The following SPATA45 variants were observed in gnomAD, a reference collection of about 807,000 sequenced individuals.
The protein encoded by SPATA45 is spermatogenesis associated 45, also known as spermatogenesis-associated protein 45.
A neutral mutation model predicts 7.0 loss-of-function variants in SPATA45; 5 were observed. The ratio of observed to expected loss-of-function variants is 0.71; its 90% CI spans 0.37 to 1.50. SPATA45 has a LOEUF of 1.50. Among genes scored for constraint, SPATA45 ranks in the 40% most tolerant of loss-of-function variants. The pLI, the probability that SPATA45 is intolerant of heterozygous loss-of-function variation, is 0.03. For synonymous variants in SPATA45, 40 were observed against 38.7 expected (o/e 1.03, Z -0.13); for missense variants, 111 against 114.9 (o/e 0.97, Z 0.16).
intron 2 of SPATA45, among the ~76,000 whole-genome samples, chr1:212,835,234 C>G (rs1432461793): frequency 1.3e-5 from 2 of 151,512 alleles, no homozygotes; most frequent in African/African-American, 4.8e-5. Flanking sequence ...GTTAAGAATC[C>G]TATCATAGGC....
At chr1:212,836,523 G>A (rs1204344229) in intron 1 of SPATA45, among the ~76,000 whole-genome samples, 2 of 151,658 alleles carry the variant, frequency 1.3e-5, no homozygotes, top group South Asian at 2.1e-4. Context: ...TAGAGATGGG[G>A]TTTCGCCATG....
chr1:212,837,542 A>G (rs1475050311), intron 1 of SPATA45, among the ~76,000 whole-genome samples: 1 of 151,776 alleles, frequency 6.6e-6, no homozygotes, highest in East Asian at 1.9e-4. Context: ...CTGAGGCATG[A>G]GAGTCGCTTG....
intron 1 of SPATA45, among the ~76,000 whole-genome samples, chr1:212,841,195 G>C (rs112990264): frequency 0.023 from 3,480 of 151,012 alleles, 64 homozygotes; most frequent in South Asian, 0.042. Flanking sequence ...GTCTCATTCT[G>C]TCACCCAGGC....
chr1:212,839,276 C>T lies in SPATA45; in HGVS notation c.-38-3089G>A, dbSNP rs185010105. On this transcript the variant is annotated intron_variant, in intron 1 of 2. Coordinates refer to ENST00000332912, the MANE Select transcript of SPATA45 (RefSeq NM_001024601.3). ...CTGAGTAAAAAGAAAAAAAAAAAGC[C>T]AGACAAATCAGAATGTATAGTGTAC... Among the ~76,000 whole-genome samples, 577 of 148,838 alleles carry T rather than the reference C, an allele frequency of 3.9e-3. 10 individuals carry two copies. Among genetic ancestry groups the T allele is most frequent in the African/African-American group, 0.013 (550 of 40,846 alleles).
chr1:212,833,503 C>CAAA lies in SPATA45; in HGVS notation c.277+2367_277+2369dup, dbSNP rs35760900. ...ACGAAACCCCATCTCTACTAAAATA[C>CAAA]AAAAAAAAAAAAAAAAAAAAATTAG... On this transcript the variant is annotated intron_variant, in intron 2 of 2. Transcript: ENST00000332912. Among the ~76,000 whole-genome samples, 557 of 108,702 alleles carry CAAA rather than the reference C, an allele frequency of 5.1e-3. 5 individuals are homozygous for CAAA. The highest frequency in any genetic ancestry group is 0.017 in the African/African-American group (464 of 27,764). 71.3% of individuals were successfully genotyped at this position (108,702 alleles called of 152,430 possible).
intron 1 of SPATA45, among the ~76,000 whole-genome samples, chr1:212,841,395 C>T (rs1359682040): frequency 6.6e-6 from 1 of 150,854 alleles, no homozygotes; most frequent in Non-Finnish European, 1.5e-5. Flanking sequence ...AACTCCTAAG[C>T]TCAAGCGATC....
rs562755212 is a variant in SPATA45 at position 212,841,825 on chromosome 1, T to C, written c.-38-5638A>G. Among the ~76,000 whole-genome samples the C allele has an allele frequency of 2.0e-5, 3 of 152,204 alleles. No individual in the cohort carries two copies. The East Asian group carries it at 5.8e-4, about 30-fold the overall frequency. ...CAGGCTGGAGTGCAGTGGCGTGATC[T>C]TGGCTCACTACAGCCTCTGCCTCCT... is the stretch of plus-strand genomic sequence containing the variant. On this transcript the variant is annotated intron_variant, in intron 1 of 2. Transcript: ENST00000332912.
chr1:212,836,987 G>C (rs1051796122), intron 1 of SPATA45, among the ~76,000 whole-genome samples: 3 of 151,218 alleles, frequency 2.0e-5, no homozygotes, highest in South Asian at 2.1e-4. Context: ...GTTTCTTAAG[G>C]GTTTTATTTT....
At position 212,832,439 on chromosome 1, in the gene SPATA45, G is replaced by A. The variant is rs574870288; in HGVS notation, c.278-2178C>T. 9.2e-5 allele frequency among the ~76,000 whole-genome samples: 13 copies of A among 141,116 alleles called. No homozygotes were observed. In the East Asian group the frequency reaches 2.3e-3, roughly 25 times the overall value. 92.6% of individuals were successfully genotyped at this position (141,116 alleles called of 152,430 possible). On this transcript the variant is annotated intron_variant, in intron 2 of 2. Coordinates refer to ENST00000332912, the MANE Select transcript of SPATA45 (RefSeq NM_001024601.3). ...GCCCAGGCTACTCTCAAACTCCTGG[G>A]CTCAAGGGATCCTCCTGCCTCAGCC...
At chr1:212,844,974 C>A (rs1228034574) in intron 1 of SPATA45, among the ~76,000 whole-genome samples, 6 of 152,172 alleles carry the variant, frequency 3.9e-5, no homozygotes, top group South Asian at 2.1e-4. Context: ...CCCTCATGGC[C>A]AGTTTTTCTC....
Position 212,836,090 on chromosome 1 carries a change from ATGT to A in SPATA45, c.57_59del (p.Gln19del), listed in dbSNP as rs1663580115. 1 of 1,607,028 alleles carries A rather than the reference ATGT, an allele frequency of 6.2e-7. No homozygotes were observed. Among genetic ancestry groups the A allele is most frequent in the African/African-American group, 1.3e-5 (1 of 74,738 alleles). On this transcript the variant is annotated inframe_deletion, in exon 2 of 3. Transcript: ENST00000332912. ...GCTTTTTGTTTATCTCCTCCAGGAG[ATGT>A]TGTTTGCTTACTCCATGTTTTTTCA...
chr1:212,830,485 G>A lies in SPATA45; in HGVS notation c.278-224C>T, dbSNP rs930414870. Among the ~76,000 whole-genome samples the A allele has an allele frequency of 5.5e-5, 8 of 144,352 alleles. 1 individual carries two copies. The highest frequency in any genetic ancestry group is 2.2e-4 in the South Asian group (1 of 4,462). 94.7% of individuals were successfully genotyped at this position (144,352 alleles called of 152,430 possible). On this transcript the variant is annotated intron_variant, in intron 2 of 2. Coordinates refer to ENST00000332912, the MANE Select transcript of SPATA45 (RefSeq NM_001024601.3). The stretch of plus-strand genomic sequence containing the variant: ...AGGAGATCGAGACCATCCTGGCCAA[G>A]ATGGTGAAACCCCATCTCTACTAAA...
At chr1:212,836,776 G>A (rs1279115366) in intron 1 of SPATA45, among the ~76,000 whole-genome samples, 2 of 151,122 alleles carry the variant, frequency 1.3e-5, no homozygotes, top group Non-Finnish European at 3.0e-5. Flanking sequence ...AGCTTCCTGA[G>A]TAGCTGGGAT....
At chr1:212,840,688 G>A (rs1399472702) in intron 1 of SPATA45, among the ~76,000 whole-genome samples, 2 of 152,114 alleles carry the variant, frequency 1.3e-5, no homozygotes, top group African/African-American at 2.4e-5. Context: ...CGCGATCTTG[G>A]CTCACTGCAA....
At chr1:212,840,567 C>T (rs936773025) in intron 1 of SPATA45, among the ~76,000 whole-genome samples, 3 of 151,382 alleles carry the variant, frequency 2.0e-5, no homozygotes, top group African/African-American at 2.4e-5. Context: ...ATTACAGAGG[C>T]GCACCACCAT....
intron 1 of SPATA45, among the ~76,000 whole-genome samples, chr1:212,843,543 T>C (rs1246077258): frequency 6.6e-6 from 1 of 152,238 alleles, no homozygotes; most frequent in African/African-American, 2.4e-5. Context: ...ATTGGCTACA[T>C]AATTTGTAGG....
intron 1 of SPATA45, among the ~76,000 whole-genome samples, chr1:212,843,100 TACACAC>T (rs367648433): frequency 0.018 from 2,160 of 121,980 alleles, 27 homozygotes; most frequent in African/African-American, 0.029. Context: ...CCGTCAAACA[TACACAC>T]ACACACACAC....
At chr1:212,846,450 T>A (rs1261057381) in intron 1 of SPATA45, among the ~76,000 whole-genome samples, 1 of 152,122 alleles carries the variant, frequency 6.6e-6, no homozygotes, top group African/African-American at 2.4e-5. Context: ...ATCTAGATGG[T>A]CTGAAGCAAC....
rs773781171 is a variant in SPATA45, at chr1:212,832,773, C to T, written c.278-2512G>A. On this transcript the variant is annotated intron_variant, in intron 2 of 2. Transcript: ENST00000332912. ...AACCAACTAAGGTTGCTGTGAGAAA[C>T]TCTTAGGTTTGTGAGCCATTGCCCA... Among the ~76,000 whole-genome samples the T allele has an allele frequency of 3.0e-4, 45 of 151,566 alleles. 1 individual carries two copies. Among genetic ancestry groups the T allele is most frequent in the African/African-American group, 1.0e-3 (43 of 41,460 alleles).
Sources: gnomAD v4.1 joint callset for allele counts (sites outside exome capture counted in the v4.1 genomes callset) on GRCh38, gnomAD v4.1.1 for gene constraint, MANE v1.5 for transcripts, NCBI Gene and HGNC (gene_info 2026-07-23, HGNC 2026-07-21) for gene names.